Variants in PTPRN2 observed in about 807,000 individuals in gnomAD.
PTPRN2 encodes protein tyrosine phosphatase receptor type N2, also known as receptor-type tyrosine-protein phosphatase N2.
A neutral mutation model predicts 118.8 loss-of-function variants in PTPRN2; 74 were observed. That is an observed-to-expected ratio of 0.62 (90% CI 0.52 to 0.76). The LOEUF (loss-of-function observed/expected upper bound fraction) is 0.76. PTPRN2 is among the 30% of genes least tolerant of loss of function. The pLI, the probability that PTPRN2 is intolerant of heterozygous loss-of-function variation, is 0.00. For synonymous variants in PTPRN2, 641 were observed against 608.0 expected, an observed-to-expected ratio of 1.05 and a Z score of -0.80; for missense variants, 1,481 against 1,394.4, an observed-to-expected ratio of 1.06 and a Z score of -0.99.
At chr7:158,112,654 T>A (rs1454181310) in intron 9 of PTPRN2, among the ~76,000 whole-genome samples, 1 of 152,160 alleles carries the variant, frequency 6.6e-6, no homozygotes, top group Non-Finnish European at 1.5e-5. Context: ...CACGTGGACA[T>A]GGGGACCCCA....
chr7:158,475,660 C>T (rs903860819), intron 2 of PTPRN2, among the ~76,000 whole-genome samples: 3 of 152,192 alleles, frequency 2.0e-5, no homozygotes, highest in Non-Finnish European at 2.9e-5. Context: ...CTCCAGCTTC[C>T]TTGAATCCTA....
chr7:158,254,949 G>A lies in PTPRN2; in HGVS notation c.278-49676C>T, dbSNP rs188358483. On this transcript the variant is annotated intron_variant, in intron 3 of 22. Transcript: ENST00000389418. Reference sequence around the variant, plus strand: ...CATGGTGTTACAGGGAAAATCCCGAGGCATGGCCCAGGCCCAGGAAGAAGC... The same window carrying A: ...CATGGTGTTACAGGGAAAATCCCGAAGCATGGCCCAGGCCCAGGAAGAAGC... Among the ~76,000 whole-genome samples the A allele has an allele frequency of 1.7e-4, 26 of 152,360 alleles. No homozygotes were observed. In the East Asian group the frequency reaches 2.5e-3, roughly 15 times the overall value.
chr7:157,910,039 T>G (rs1245156996), intron 11 of PTPRN2, among the ~76,000 whole-genome samples: 1 of 152,218 alleles, frequency 6.6e-6, no homozygotes, highest in Non-Finnish European at 1.5e-5. Context: ...GGAGGGAGTT[T>G]CCTATACCTT....
At position 157,690,606 on chromosome 7, in the gene PTPRN2, G is replaced by C. The variant is rs1461080979; in HGVS notation, c.1789-7669C>G. On this transcript the variant is annotated intron_variant, in intron 12 of 22. Transcript: ENST00000389418. This position sits in a 1 kb window ranked among gnomAD's most constrained non-coding sequence, Gnocchi z 7.1. ...GCGGGAGGAGGTGGGGGCGTGCGCC[G>C]GGCCGAGCGGCCTCGGGGCGCAGCA... Among the ~76,000 whole-genome samples, 6 of 151,734 alleles carry C rather than the reference G, an allele frequency of 4.0e-5. No homozygotes were observed. Among genetic ancestry groups the C allele is most frequent in the Admixed American group, 2.6e-4 (4 of 15,248 alleles).
chr7:158,171,294 C>CATACACACACAT (rs1412529791), intron 5 of PTPRN2, among the ~76,000 whole-genome samples: 1 of 62,162 alleles, frequency 1.6e-5, no homozygotes, highest in Non-Finnish European at 2.8e-5. Context: ...TATATACACA[C>CATACACACACAT]ATATATATAC....
At chr7:157,648,647 A>G (rs867588806) in intron 14 of PTPRN2, among the ~76,000 whole-genome samples, 198 of 75,682 alleles carry the variant, frequency 2.6e-3, no homozygotes, top group African/African-American at 3.8e-3. Flanking sequence ...CCCATCCAGC[A>G]TGCACTGAAC....
rs528500397 is a variant in PTPRN2 at position 157,787,997 on chromosome 7, G to T, written c.1789-105060C>A. On this transcript the variant is annotated intron_variant, in intron 12 of 22. Transcript: ENST00000389418. This position sits in a 1 kb window ranked among gnomAD's most constrained non-coding sequence, Gnocchi z 5.3. ...ACCACGCAGCCGGGGCCTGGAGGCC[G>T]ACACAAGCCAGACCCAGCCTCTCTG... is the stretch of plus-strand genomic sequence containing the variant. Among the ~76,000 whole-genome samples, 1 of 152,212 alleles carries T rather than the reference G, an allele frequency of 6.6e-6. No homozygotes were observed. The highest frequency in any genetic ancestry group is 1.5e-5 in the Non-Finnish European group (1 of 68,032).
chr7:158,377,399 C>G (rs1446038890), intron 2 of PTPRN2, among the ~76,000 whole-genome samples: 1 of 152,198 alleles, frequency 6.6e-6, no homozygotes, highest in East Asian at 1.9e-4. Context: ...TAAAATGTAT[C>G]GGTCTTCACC....
rs572570739 is a variant in PTPRN2, at chr7:157,990,966, TCCCTGG to T, written c.1723+90326_1723+90331del. 3.2e-3 allele frequency among the ~76,000 whole-genome samples: 490 copies of T among 152,268 alleles called. 2 individuals carry two copies. Among genetic ancestry groups the T allele is most frequent in the African/African-American group, 0.011 (465 of 41,554 alleles). On this transcript the variant is annotated intron_variant, in intron 11 of 22. Transcript: ENST00000389418. This position sits in a 1 kb window ranked among gnomAD's most constrained non-coding sequence, Gnocchi z 4.3. ...CCAGATCCCCAGAGTCCAGCGAACT[TCCCTGG>T]CCCTGGCCAGAGTCCACGTCTGACT... is the stretch of plus-strand genomic sequence containing the variant.
In PTPRN2 at chr7:158,555,735, G is replaced by A. The variant is rs1026065163; in HGVS notation, c.112+31823C>T. 9.9e-5 allele frequency among the ~76,000 whole-genome samples: 15 copies of A among 152,178 alleles called. No homozygotes were observed. The highest frequency in any genetic ancestry group is 9.7e-4 in the East Asian group (5 of 5,164). ...GGAGCTCTTCCGCCAACAGGTGGCC[G>A]GTGTTGCTTCCCAGCGGGTTCCACC... is the stretch of plus-strand genomic sequence containing the variant. On this transcript the variant is annotated intron_variant, in intron 1 of 22. Coordinates refer to ENST00000389418, the MANE Select transcript of PTPRN2 (RefSeq NM_002847.5). This position sits in a 1 kb window ranked among gnomAD's most constrained non-coding sequence, Gnocchi z 4.7.
intron 2 of PTPRN2, among the ~76,000 whole-genome samples, chr7:158,395,689 C>CGAGGCACGAGGGGA: frequency 1.9e-5 from 1 of 51,376 alleles, no homozygotes; most frequent in East Asian, 5.3e-4. Context: ...GGGCGAGGCG[C>CGAGGCACGAGGGGA]GAGGGGCGAG....
intron 6 of PTPRN2, among the ~76,000 whole-genome samples, chr7:158,149,061 G>T (rs62480231): frequency 5.5e-4 from 9 of 16,368 alleles, no homozygotes; most frequent in South Asian, 1.9e-3. Flanking sequence ...CCCATCTCAT[G>T]CCACGTGTCA....
At position 157,590,268 on chromosome 7, in the gene PTPRN2, C is replaced by T. The variant is rs183951445; in HGVS notation, c.2496+4970G>A. Among the ~76,000 whole-genome samples, 10 of 152,112 alleles carry T rather than the reference C, an allele frequency of 6.6e-5. No individual in the cohort carries two copies. Among genetic ancestry groups the T allele is most frequent in the Admixed American group, 2.6e-4 (4 of 15,294 alleles). On this transcript the variant is annotated intron_variant, in intron 17 of 22. Coordinates refer to ENST00000389418, the MANE Select transcript of PTPRN2 (RefSeq NM_002847.5). This position sits in a 1 kb window ranked among gnomAD's most constrained non-coding sequence, Gnocchi z 4.0. The stretch of plus-strand genomic sequence containing the variant: ...CTCACCCCAAAATGGGTATTCTTTC[C>T]TTGAGGGATGTTTTATTTCTAGGCC...
At chr7:158,239,902 A>T (rs1366435541) in intron 3 of PTPRN2, among the ~76,000 whole-genome samples, 1 of 152,194 alleles carries the variant, frequency 6.6e-6, no homozygotes, top group Admixed American at 6.5e-5. Flanking sequence ...AGGTGGATGA[A>T]GGGAACGTAG....
intron 11 of PTPRN2, among the ~76,000 whole-genome samples, chr7:158,067,405 A>G (rs1810854785): frequency 6.6e-6 from 1 of 152,044 alleles, no homozygotes; most frequent in Non-Finnish European, 1.5e-5. Context: ...TGCAGCTGTG[A>G]GTGGTACTCG....
Position 157,809,329 on chromosome 7 carries a change from C to T in PTPRN2, c.1788+89344G>A, listed in dbSNP as rs547895626. On this transcript the variant is annotated intron_variant, in intron 12 of 22. Coordinates refer to ENST00000389418, the MANE Select transcript of PTPRN2 (RefSeq NM_002847.5). ...GGCCCAGGGTTGGATGAGATGACAC[C>T]GAGGCTGTGGAGCCAGGAGGCTGTG... Among the ~76,000 whole-genome samples the T allele has an allele frequency of 9.6e-5, 13 of 135,758 alleles. No individual in the cohort carries two copies. The South Asian group carries it at 2.6e-3, about 27-fold the overall frequency. The allele number at this position is 135,758 out of a possible 152,430, so 89.1% of individuals were successfully genotyped here.
chr7:158,522,426 A>G lies in PTPRN2; in HGVS notation c.113-32641T>C, dbSNP rs575819089. The stretch of plus-strand genomic sequence containing the variant: ...ACTGTCCAGGTGCTGGCTCAGGGGG[A>G]AGGTCCACATCGGAATGGTAGACTG... On this transcript the variant is annotated intron_variant, in intron 1 of 22. Coordinates refer to ENST00000389418, the MANE Select transcript of PTPRN2 (RefSeq NM_002847.5). Among the ~76,000 whole-genome samples the G allele has an allele frequency of 1.5e-3, 204 of 136,740 alleles. 5 individuals are homozygous for G. Among genetic ancestry groups the G allele is most frequent in the Middle Eastern group, 4.0e-3 (1 of 250 alleles). 89.7% of individuals were successfully genotyped at this position (136,740 alleles called of 152,430 possible).
At chr7:158,441,510 AG>A (rs1817208913) in intron 2 of PTPRN2, among the ~76,000 whole-genome samples, 1 of 130,740 alleles carries the variant, frequency 7.6e-6, no homozygotes, top group East Asian at 2.3e-4. Flanking sequence ...TGGTGATGGC[AG>A]TGGTGGCAGT....
At chr7:158,096,214 A>G (rs1814616784) in intron 10 of PTPRN2, among the ~76,000 whole-genome samples, 1 of 152,176 alleles carries the variant, frequency 6.6e-6, no homozygotes, top group Non-Finnish European at 1.5e-5. Context: ...CCGTATACAT[A>G]ATTTGTGGGG....
Sources: allele counts gnomAD v4.1 joint callset (sites outside exome capture counted in the v4.1 genomes callset), GRCh38; gene constraint gnomAD v4.1.1; non-coding constraint Gnocchi (gnomAD v3.1); transcripts MANE v1.5; gene names NCBI Gene and HGNC (gene_info 2026-07-23, HGNC 2026-07-21).